Variants in NELL2 observed in about 807,000 individuals in gnomAD.
NELL2 encodes protein kinase C-binding protein NELL2.
Under a neutral mutation model 109.6 loss-of-function variants are expected in NELL2, and 41 were observed. That is an observed-to-expected ratio of 0.37 (90% confidence interval 0.29 to 0.49). NELL2 has a LOEUF of 0.49. Ranked by LOEUF, NELL2 falls within the 20% of genes least tolerant of loss-of-function variation. The pLI, the probability that NELL2 is intolerant of heterozygous loss-of-function variation, is 0.98. For missense variants in NELL2, 900 were observed against 1,008.3 expected (o/e 0.89, Z 1.45); for synonymous variants, 355 against 344.7 (o/e 1.03, Z -0.33).
At chr12:44,557,110 A>AT (rs1169955308) in intron 15 of NELL2, among the ~76,000 whole-genome samples, 1 of 152,164 alleles carries the variant, frequency 6.6e-6, no homozygotes, top group Admixed American at 6.5e-5. Context: ...GCACTCCCAC[A>AT]CATCCTTTCT....
intron 1 of NELL2, among the ~76,000 whole-genome samples, chr12:44,920,253 TAAAG>T (rs1426647993): frequency 2.0e-5 from 3 of 152,136 alleles, no homozygotes; most frequent in Non-Finnish European, 4.4e-5. Flanking sequence ...CTAAAGTAGA[TAAAG>T]AAGATAATGA....
Position 44,690,568 on chromosome 12 carries a change from T to C in NELL2, c.1318+13158A>G, listed in dbSNP as rs559264049. ...AAAAAAAAAAACTGCCAAAGGAGTA[T>C]AAAAACAGGATTACTTATTTTTAAC... is the stretch of plus-strand genomic sequence containing the variant. On this transcript the variant is annotated intron_variant, in intron 12 of 19. Transcript: ENST00000429094. Among the ~76,000 whole-genome samples, 5 of 151,082 alleles carry C rather than the reference T, an allele frequency of 3.3e-5. No individual in the cohort carries two copies. In the East Asian group the frequency reaches 9.7e-4, roughly 29 times the overall value.
rs7295985 is a variant in NELL2 at position 44,548,939 on chromosome 12, T to C, written c.1664-16218A>G. On this transcript the variant is annotated intron_variant, in intron 15 of 19. Transcript: ENST00000429094. Reference sequence around the variant, plus strand: ...TATTTATTCCCCAGTGGAATGTTCTTTCTAAACTATGAAGATAACCTCTGT... The same window carrying C: ...TATTTATTCCCCAGTGGAATGTTCTCTCTAAACTATGAAGATAACCTCTGT... 5.1e-3 allele frequency among the ~76,000 whole-genome samples: 775 copies of C among 152,318 alleles called. 8 individuals are homozygous for C. The highest frequency in any genetic ancestry group is 0.017 in the African/African-American group (726 of 41,570).
intron 3 of NELL2, among the ~76,000 whole-genome samples, chr12:44,808,894 G>A (rs1263989572): frequency 6.6e-6 from 1 of 151,922 alleles, no homozygotes; most frequent in Admixed American, 6.6e-5. Context: ...TTCACCTGAA[G>A]TTTATTAATA....
chr12:44,887,711 C>A (rs1945490593), intron 1 of NELL2, among the ~76,000 whole-genome samples: 1 of 151,444 alleles, frequency 6.6e-6, no homozygotes, highest in Non-Finnish European at 1.5e-5. Context: ...GTTGTTTGAG[C>A]TCCTTATATT....
chr12:44,623,083 T>C (rs188230679), intron 13 of NELL2, among the ~76,000 whole-genome samples: 3 of 152,280 alleles, frequency 2.0e-5, no homozygotes, highest in Non-Finnish European at 2.9e-5. Context: ...ATTGATGTTA[T>C]AAATACGTGT....
chr12:44,650,155 T>C (rs1947250502), intron 13 of NELL2, among the ~76,000 whole-genome samples: 1 of 152,156 alleles, frequency 6.6e-6, no homozygotes. Flanking sequence ...CTTGGATAAT[T>C]ACATTTTATT....
intron 12 of NELL2, among the ~76,000 whole-genome samples, chr12:44,695,285 C>G (rs533628890): frequency 7.3e-6 from 1 of 136,882 alleles, no homozygotes; most frequent in African/African-American, 2.9e-5. Flanking sequence ...AGCGAGACTC[C>G]GTCTCAAAAA....
chr12:44,724,191 T>C lies in NELL2; in HGVS notation c.995-9450A>G, dbSNP rs538193580. On this transcript the variant is annotated intron_variant, in intron 9 of 19. Coordinates refer to ENST00000429094, the MANE Select transcript of NELL2 (RefSeq NM_001145108.2). ...TTACTGATAAGTGGGAGCTAAACACTGAATACATATGGATGTTAAATTAAG... is the reference window on the plus strand; with the variant it reads ...TTACTGATAAGTGGGAGCTAAACACCGAATACATATGGATGTTAAATTAAG... Among the ~76,000 whole-genome samples the C allele has an allele frequency of 7.3e-5, 11 of 151,014 alleles. No individual in the cohort carries two copies. The South Asian group carries it at 2.3e-3, about 32-fold the overall frequency.
chr12:44,891,113 G>C (rs1217096453), intron 1 of NELL2, among the ~76,000 whole-genome samples: 2 of 152,146 alleles, frequency 1.3e-5, no homozygotes, highest in Non-Finnish European at 1.5e-5. Context: ...ATATGCTACT[G>C]GTGTCCAAAT....
At chr12:44,742,443 A>T (rs2136502083) in intron 9 of NELL2, among the ~76,000 whole-genome samples, 1 of 152,342 alleles carries the variant, frequency 6.6e-6, no homozygotes, top group Non-Finnish European at 1.5e-5. Flanking sequence ...CAGCAATGAA[A>T]CAAAGCTGGA....
chr12:44,816,551 T>G (rs914510007), intron 2 of NELL2, among the ~76,000 whole-genome samples: 2 of 152,238 alleles, frequency 1.3e-5, no homozygotes, highest in Non-Finnish European at 1.5e-5. Context: ...TTAGCTTTTC[T>G]GACACCTCAT....
At chr12:44,917,728 C>A (rs565062722), upstream of NELL2, among the ~76,000 whole-genome samples, 258 of 152,298 alleles carry the variant, frequency 1.7e-3, 1 homozygote, top group African/African-American at 5.7e-3. Context: ...AAAAGAGTGA[C>A]TAGGCACTCC....
chr12:44,573,207 C>A (rs1371712513), intron 15 of NELL2, among the ~76,000 whole-genome samples: 2 of 152,198 alleles, frequency 1.3e-5, no homozygotes, highest in Non-Finnish European at 2.9e-5. Flanking sequence ...ATGGATAGAA[C>A]ACAAAATGCC....
intron 12 of NELL2, among the ~76,000 whole-genome samples, chr12:44,692,383 C>T (rs547413712): frequency 6.6e-6 from 1 of 152,128 alleles, no homozygotes; most frequent in Non-Finnish European, 1.5e-5. Context: ...GGCCCATTGA[C>T]AATGTACTTA....
chr12:44,752,593 A>C (rs1343857546), intron 9 of NELL2, among the ~76,000 whole-genome samples: 3 of 152,226 alleles, frequency 2.0e-5, no homozygotes, highest in African/African-American at 7.2e-5. Context: ...GGAGATAAAT[A>C]AAATTCAATT....
At chr12:44,617,096 T>C (rs571894007) in intron 13 of NELL2, among the ~76,000 whole-genome samples, 1 of 152,298 alleles carries the variant, frequency 6.6e-6, no homozygotes, top group South Asian at 2.1e-4. Context: ...CCCTTCTTCC[T>C]TCCTTCCCTT....
At chr12:44,660,179 C>T (rs1203138879) in intron 13 of NELL2, among the ~76,000 whole-genome samples, 1 of 151,992 alleles carries the variant, frequency 6.6e-6, no homozygotes, top group Non-Finnish European at 1.5e-5. Flanking sequence ...TATACAGGGC[C>T]TAAAGGAAAT....
At chr12:44,535,521 C>G (rs1465706748) in intron 15 of NELL2, among the ~76,000 whole-genome samples, 3 of 151,856 alleles carry the variant, frequency 2.0e-5, no homozygotes, top group Admixed American at 2.0e-4. Context: ...TTAAATTGTG[C>G]TTTATTTTAA....
Sources: allele counts gnomAD v4.1 joint callset (sites outside exome capture counted in the v4.1 genomes callset), GRCh38; gene constraint gnomAD v4.1.1; transcripts MANE v1.5; gene names NCBI Gene and HGNC (gene_info 2026-07-23, HGNC 2026-07-21).